KLF6: variants seen among roughly 807,000 people sequenced by gnomAD.
KLF6 encodes the protein Krueppel-like factor 6.
For synonymous variants in KLF6, 152 were observed against 147.9 expected (o/e 1.03, Z -0.20); for missense variants, 233 against 359.8 (o/e 0.65, Z 2.85).
In KLF6 at chr10:3,782,284, C is replaced by A; in HGVS notation, c.103-70G>T. ...CAAAAGTAAAAGCAAAAGCAATTTC[C>A]AAAAACATGCAAGAATGAAGGACAG... On this transcript the variant is annotated intron_variant, in intron 1 of 3. Coordinates refer to ENST00000497571, the MANE Select transcript of KLF6 (RefSeq NM_001300.6). The surrounding 1 kb of genome is among the most constrained non-coding windows in gnomAD (Gnocchi z 4.3). 1 of 1,263,236 alleles carries A rather than the reference C, an allele frequency of 7.9e-7. No individual in the cohort carries two copies. The highest frequency in any genetic ancestry group is 1.1e-6 in the Non-Finnish European group (1 of 879,902). 78.3% of individuals were successfully genotyped at this position (1,263,236 alleles called of 1,614,324 possible). A position where few individuals can be genotyped will look rare whatever the true frequency, so the allele number is the denominator to read the frequency against.
chr10:3,777,408 C>G lies in KLF6; in HGVS notation c.*2131G>C, dbSNP rs1218745768. The G allele has an allele frequency of 2.0e-6, 1 of 510,508 alleles. No individual in the cohort carries two copies. Among genetic ancestry groups the G allele is most frequent in the Non-Finnish European group, 3.8e-6 (1 of 261,254 alleles). The allele number at this position is 510,508 out of a possible 1,614,324, so 31.6% of individuals were successfully genotyped here. A position where few individuals can be genotyped will look rare whatever the true frequency, so the allele number is the denominator to read the frequency against. ...AAAGAATCCCTGTGGTTAGCTTACT[C>G]TTAGGTTAGATCTTCTAATAAGGCT... is the stretch of plus-strand genomic sequence containing the variant. On this transcript the variant is annotated 3_prime_UTR_variant, in exon 4 of 4. Coordinates refer to ENST00000497571, the MANE Select transcript of KLF6 (RefSeq NM_001300.6).
In KLF6 at chr10:3,778,178, T is replaced by C. The variant is rs1832438424; in HGVS notation, c.*1361A>G. 1.9e-6 allele frequency: 1 copy of C among 522,888 alleles called. No individual in the cohort carries two copies. The highest frequency in any genetic ancestry group is 1.5e-5 in the South Asian group (1 of 65,090). The allele number at this position is 522,888 out of a possible 1,614,324, so 32.4% of individuals were successfully genotyped here. On this transcript the variant is annotated 3_prime_UTR_variant, in exon 4 of 4. Transcript: ENST00000497571. ...AGGAGGACCTTAAAGAGATTTTTTT[T>C]CTGTATTATACGTTGATACAGTACA...
chr10:3,784,602 A>G (rs1421986073), intron 1 of KLF6, among the ~76,000 whole-genome samples: 1 of 110,900 alleles, frequency 9.0e-6, no homozygotes, highest in Non-Finnish European at 2.2e-5. Context: ...ACAAACAAAC[A>G]AAAAAAAAAC....
rs1832384252 is a variant in KLF6 at position 3,776,701 on chromosome 10, C to G, written c.*2838G>C. 3.1e-6 allele frequency: 1 copy of G among 322,170 alleles called. No homozygotes were observed. Among genetic ancestry groups the G allele is most frequent in the Admixed American group, 4.4e-5 (1 of 22,940 alleles). The allele number at this position is 322,170 out of a possible 1,614,324, so 20.0% of individuals were successfully genotyped here. Reference sequence around the variant, plus strand: ...AGATTCTTTAGATAACAGGGTGCTTCCAAAAAAAAAAAAAAAAGAAATTTC... The same window carrying G: ...AGATTCTTTAGATAACAGGGTGCTTGCAAAAAAAAAAAAAAAAGAAATTTC... On this transcript the variant is annotated 3_prime_UTR_variant, in exon 4 of 4. Coordinates refer to ENST00000497571, the MANE Select transcript of KLF6 (RefSeq NM_001300.6).
chr10:3,780,044 C>G lies in KLF6; in HGVS notation c.800+62G>C. ...GAATGTGCCCTGCACACCTACTCAA[C>G]CCTGGTCATCACATTCCCAAGGCCC... On this transcript the variant is annotated intron_variant, in intron 3 of 3. Coordinates refer to ENST00000497571, the MANE Select transcript of KLF6 (RefSeq NM_001300.6). This position sits in a 1 kb window ranked among gnomAD's most constrained non-coding sequence, Gnocchi z 4.6. 1.2e-6 allele frequency: 2 copies of G among 1,606,582 alleles called. No individual in the cohort carries two copies. Among genetic ancestry groups the G allele is most frequent in the Non-Finnish European group, 1.7e-6 (2 of 1,174,438 alleles).
chr10:3,777,139 A>G lies in KLF6; in HGVS notation c.*2400T>C, dbSNP rs1463736184. 1.9e-6 allele frequency: 1 copy of G among 512,856 alleles called. No individual in the cohort carries two copies. Among genetic ancestry groups the G allele is most frequent in the Non-Finnish European group, 3.8e-6 (1 of 263,122 alleles). 31.8% of individuals were successfully genotyped at this position (512,856 alleles called of 1,614,324 possible). A position where few individuals can be genotyped will look rare whatever the true frequency, so the allele number is the denominator to read the frequency against. On this transcript the variant is annotated 3_prime_UTR_variant, in exon 4 of 4. Coordinates refer to ENST00000497571, the MANE Select transcript of KLF6 (RefSeq NM_001300.6). ...ATTCATCAGCCCAGATAAAAAAAAAACCAGTTATGTGAGCGTTAGTCACTG... is the reference window on the plus strand; with the variant it reads ...ATTCATCAGCCCAGATAAAAAAAAAGCCAGTTATGTGAGCGTTAGTCACTG...
At position 3,781,799 on chromosome 10, in the gene KLF6, C is replaced by G; in HGVS notation, c.518G>C (p.Gly173Ala). The part of the protein sequence containing the change: ...GCVPGELPSP[G>A]KVRSGTSGKP... ...CCCCGAAGTCCCGCTGCGCACCTTCCCTGGCGAGGGCAGCTCCCCGGGCAC... is the reference window on the plus strand; with the variant it reads ...CCCCGAAGTCCCGCTGCGCACCTTCGCTGGCGAGGGCAGCTCCCCGGGCAC... Residue 173 changes from glycine (G) to alanine (A), a missense_variant, in exon 2 of 4, where the codon GGG (glycine) becomes GCG (alanine). Coordinates refer to ENST00000497571, the MANE Select transcript of KLF6 (RefSeq NM_001300.6). This position sits in a 1 kb window ranked among gnomAD's most constrained non-coding sequence, Gnocchi z 5.8. 3 of 1,614,244 alleles carry G rather than the reference C, an allele frequency of 1.9e-6. No homozygotes were observed. The highest frequency in any genetic ancestry group is 2.5e-6 in the Non-Finnish European group (3 of 1,180,044).
Position 3,782,753 on chromosome 10 carries a change from C to CG in KLF6, c.103-540dup, listed in dbSNP as rs1832560210. On this transcript the variant is annotated intron_variant, in intron 1 of 3. Transcript: ENST00000497571. This position sits in a 1 kb window ranked among gnomAD's most constrained non-coding sequence, Gnocchi z 4.3. ...ACGGCTGACAACACAGGGCCACACT[C>CG]GGGGGAGAGGAGACAGCAGCTGTCT... 6.6e-6 allele frequency among the ~76,000 whole-genome samples: 1 copy of CG among 152,192 alleles called. No homozygotes were observed. Among genetic ancestry groups the CG allele is most frequent in the Non-Finnish European group, 1.5e-5 (1 of 68,020 alleles).
rs767544849 is a variant in KLF6, at chr10:3,777,572, T to C, written c.*1967A>G. 1.4e-5 allele frequency: 7 copies of C among 511,242 alleles called. No individual in the cohort carries two copies. Among genetic ancestry groups the C allele is most frequent in the East Asian group, 4.3e-5 (1 of 23,198 alleles). 31.7% of individuals were successfully genotyped at this position (511,242 alleles called of 1,614,324 possible). A position where few individuals can be genotyped will look rare whatever the true frequency, so the allele number is the denominator to read the frequency against. On this transcript the variant is annotated 3_prime_UTR_variant, in exon 4 of 4. Transcript: ENST00000497571. ...GACAGAGCAGACAGCCCGGAACAGA[T>C]TCAAGCAAGAAAGTCCTCCGCACAT...
Position 3,780,917 on chromosome 10 carries a change from G to T in KLF6, c.677-688C>A. The T allele has an allele frequency of 6.1e-6, 1 of 164,666 alleles. No homozygotes were observed. Among genetic ancestry groups the T allele is most frequent in the Non-Finnish European group, 1.3e-5 (1 of 74,414 alleles). The allele number at this position is 164,666 out of a possible 1,614,324, so 10.2% of individuals were successfully genotyped here. A position where few individuals can be genotyped will look rare whatever the true frequency, so the allele number is the denominator to read the frequency against. ...TCTCAGCTGTCACCAAGCCTGTCTGGGACTGACTCTCAGCAATTTGCTCTC... is the reference window on the plus strand; with the variant it reads ...TCTCAGCTGTCACCAAGCCTGTCTGTGACTGACTCTCAGCAATTTGCTCTC... On this transcript the variant is annotated intron_variant, in intron 2 of 3. Coordinates refer to ENST00000497571, the MANE Select transcript of KLF6 (RefSeq NM_001300.6). This position sits in a 1 kb window ranked among gnomAD's most constrained non-coding sequence, Gnocchi z 4.6.
In KLF6 at chr10:3,782,291, A is replaced by T; in HGVS notation, c.103-77T>A. On this transcript the variant is annotated intron_variant, in intron 1 of 3. Coordinates refer to ENST00000497571, the MANE Select transcript of KLF6 (RefSeq NM_001300.6). This position sits in a 1 kb window ranked among gnomAD's most constrained non-coding sequence, Gnocchi z 4.3. ...AAAAGCAAAAGCAATTTCCAAAAACATGCAAGAATGAAGGACAGATAACAT... is the reference window on the plus strand; with the variant it reads ...AAAAGCAAAAGCAATTTCCAAAAACTTGCAAGAATGAAGGACAGATAACAT... 8.3e-7 allele frequency: 1 copy of T among 1,204,436 alleles called. No individual in the cohort carries two copies. Among genetic ancestry groups the T allele is most frequent in the East Asian group, 2.3e-5 (1 of 42,598 alleles). The allele number at this position is 1,204,436 out of a possible 1,614,324, so 74.6% of individuals were successfully genotyped here. A position where few individuals can be genotyped will look rare whatever the true frequency, so the allele number is the denominator to read the frequency against.
rs1361001620 is a variant in KLF6 at position 3,776,644 on chromosome 10, T to C, written c.*2895A>G. ...GCAAAAAACAATTTCAAATAAAATC[T>C]TGTAAAACAAAATTTTACAAAAATC... On this transcript the variant is annotated 3_prime_UTR_variant, in exon 4 of 4. Transcript: ENST00000497571. The C allele has an allele frequency of 2.1e-6, 1 of 487,304 alleles. No individual in the cohort carries two copies. Among genetic ancestry groups the C allele is most frequent in the East Asian group, 4.3e-5 (1 of 23,468 alleles). The allele number at this position is 487,304 out of a possible 1,614,324, so 30.2% of individuals were successfully genotyped here.
Position 3,782,172 on chromosome 10 carries a change from A to T in KLF6, c.145T>A (p.Tyr49Asn), listed in dbSNP as rs776165698. 6.2e-7 allele frequency: 1 copy of T among 1,611,210 alleles called. No homozygotes were observed. Among genetic ancestry groups the T allele is most frequent in the Non-Finnish European group, 8.5e-7 (1 of 1,180,012 alleles). Residue 49 changes from tyrosine (Y) to asparagine (N), a missense_variant, in exon 2 of 4, where the codon TAT becomes AAT. By Grantham distance (143) the Tyr-to-Asn change is moderately radical (BLOSUM62 -2). Transcript: ENST00000497571. This position sits in a 1 kb window ranked among gnomAD's most constrained non-coding sequence, Gnocchi z 4.3. Reference protein sequence around the residue: ...LERYLQSEPCYVSASEIKFDS... With the variant: ...LERYLQSEPCNVSASEIKFDS... The stretch of plus-strand genomic sequence containing the variant: ...AATTTGATTTCTGAGGCTGAAACAT[A>T]GCAGGGCTCGCTCTGGAGGTAACGT...
intron 3 of KLF6, 54 bp from the exon 4 acceptor site, chr10:3,779,644 T>C: frequency 1.3e-6 from 2 of 1,554,654 alleles, no homozygotes; most frequent in South Asian, 2.2e-5. Context: ...CCCTTGCCAG[T>C]GTTCTGGACC....
Position 3,781,361 on chromosome 10 carries a change from G to T in KLF6, c.676+280C>A, listed in dbSNP as rs1221209988. On this transcript the variant is annotated intron_variant, in intron 2 of 3. Coordinates refer to ENST00000497571, the MANE Select transcript of KLF6 (RefSeq NM_001300.6). This position sits in a 1 kb window ranked among gnomAD's most constrained non-coding sequence, Gnocchi z 5.8. ...CTCGGATCCCCAGCACTACTAAGGG[G>T]TGGGGGGTGGAGGTTTGGGTGTCCG... 4 of 1,392,230 alleles carry T rather than the reference G, an allele frequency of 2.9e-6. No homozygotes were observed. Among genetic ancestry groups the T allele is most frequent in the African/African-American group, 2.9e-5 (2 of 69,138 alleles). 86.2% of individuals were successfully genotyped at this position (1,392,230 alleles called of 1,614,324 possible).
rs1181655373 is a variant in KLF6, at chr10:3,780,860, T to A, written c.677-631A>T. On this transcript the variant is annotated intron_variant, in intron 2 of 3. Coordinates refer to ENST00000497571, the MANE Select transcript of KLF6 (RefSeq NM_001300.6). The surrounding 1 kb of genome is among the most constrained non-coding windows in gnomAD (Gnocchi z 4.6). The stretch of plus-strand genomic sequence containing the variant: ...ATCTCAGGGTATGTTGAGACAGGCC[T>A]GGGCCTGGATATTGGGCCACCCGGA... The A allele has an allele frequency of 1.7e-5, 3 of 172,674 alleles. No individual in the cohort carries two copies. The highest frequency in any genetic ancestry group is 3.8e-5 in the Non-Finnish European group (3 of 78,584). The allele number at this position is 172,674 out of a possible 1,614,324, so 10.7% of individuals were successfully genotyped here.
Position 3,783,011 on chromosome 10 carries a change from C to G in KLF6, c.103-797G>C, listed in dbSNP as rs185088638. Among the ~76,000 whole-genome samples, 154 of 152,340 alleles carry G rather than the reference C, an allele frequency of 1.0e-3. No individual in the cohort carries two copies. The Middle Eastern group carries it at 0.017, about 17-fold the overall frequency. ...AAGGGTGCAAGGGGAAATTACTCCA[C>G]GGCCCTGCTGGGAGTCCCACAATGA... On this transcript the variant is annotated intron_variant, in intron 1 of 3. Transcript: ENST00000497571.
In KLF6 at chr10:3,776,467, C is replaced by T; in HGVS notation, c.*3072G>A. The T allele has an allele frequency of 1.9e-6, 1 of 531,156 alleles. No individual in the cohort carries two copies. The highest frequency in any genetic ancestry group is 1.5e-5 in the South Asian group (1 of 65,128). The allele number at this position is 531,156 out of a possible 1,614,324, so 32.9% of individuals were successfully genotyped here. A position where few individuals can be genotyped will look rare whatever the true frequency, so the allele number is the denominator to read the frequency against. ...CTCAGGGTTGCTCAATGAAGATTTG[C>T]CCCCAGGAGGAAGCCAGGGTGATGA... is the stretch of plus-strand genomic sequence containing the variant. On this transcript the variant is annotated 3_prime_UTR_variant, in exon 4 of 4. Transcript: ENST00000497571.
chr10:3,783,026 T>C (rs1377182606), intron 1 of KLF6, among the ~76,000 whole-genome samples: 1 of 151,884 alleles, frequency 6.6e-6, no homozygotes, highest in Non-Finnish European at 1.5e-5. Context: ...CTGCTGGGAG[T>C]CCCACAATGA....
Sources: allele counts gnomAD v4.1 joint callset (sites outside exome capture counted in the v4.1 genomes callset), GRCh38; gene constraint gnomAD v4.1.1; non-coding constraint Gnocchi (gnomAD v3.1); transcripts MANE v1.5; gene names NCBI Gene and HGNC (gene_info 2026-07-23, HGNC 2026-07-21).